The following CHD2 variants were observed in gnomAD, a reference collection of about 807,000 sequenced individuals.
CHD2 encodes the protein chromodomain helicase DNA binding protein 2.
A neutral mutation model predicts 243.9 loss-of-function variants in CHD2; 28 were observed. The observed-to-expected ratio is 0.11, with a 90% CI of 0.09 to 0.16. CHD2 has a LOEUF of 0.16. Among genes scored for constraint, CHD2 ranks in the 10% least tolerant of loss-of-function variants. CHD2 has a pLI of 1.00. For synonymous variants in CHD2, 775 were observed against 779.0 expected (o/e 0.99, Z 0.09); for missense variants, 1,386 against 2,209.8 (o/e 0.63, Z 7.47).
At chr15:92,903,917 A>G (rs1478624329) in intron 2 of CHD2, among the ~76,000 whole-genome samples, 1 of 152,238 alleles carries the variant, frequency 6.6e-6, no homozygotes. Flanking sequence ...ATATTCTAAA[A>G]GGCTGGGGAT....
chr15:92,926,263 A>T (rs934710713), intron 3 of CHD2, among the ~76,000 whole-genome samples: 12 of 152,154 alleles, frequency 7.9e-5, no homozygotes, highest in Admixed American at 5.9e-4. Flanking sequence ...CTGGCCCTAC[A>T]CTTTTAAATA....
intron 24 of CHD2, among the ~76,000 whole-genome samples, chr15:92,982,565 G>T (rs1441156045): frequency 6.6e-6 from 1 of 152,232 alleles, no homozygotes; most frequent in African/African-American, 2.4e-5. Flanking sequence ...AGATTCATGT[G>T]ACAGCTTGGA....
chr15:93,026,685 A>C lies in CHD2; in HGVS notation c.*1980A>C. 1 of 152,296 alleles carries C rather than the reference A, an allele frequency of 6.6e-6. No individual in the cohort carries two copies. The highest frequency in any genetic ancestry group is 1.5e-5 in the Non-Finnish European group (1 of 68,076). The allele number at this position is 152,296 out of a possible 1,614,324, so 9.4% of individuals were successfully genotyped here. A position where few individuals can be genotyped will look rare whatever the true frequency, so the allele number is the denominator to read the frequency against. ...GTGTCTCCACTTAGGCCACACAGTG[A>C]TGAGGAAACCACAGATGGAGCTTCT... On this transcript the variant is annotated 3_prime_UTR_variant, in exon 39 of 39. Transcript: ENST00000394196.
chr15:92,987,093 A>C (rs2054053160), intron 26 of CHD2, among the ~76,000 whole-genome samples: 1 of 152,044 alleles, frequency 6.6e-6, no homozygotes, highest in African/African-American at 2.4e-5. Context: ...CTCTTATATG[A>C]TCCATTTGTT....
intron 2 of CHD2, among the ~76,000 whole-genome samples, chr15:92,922,827 T>G (rs1487686897): frequency 6.6e-6 from 1 of 152,154 alleles, no homozygotes; most frequent in African/African-American, 2.4e-5. Flanking sequence ...TGCCCCTCAG[T>G]TGCTTTTTCA....
intron 5 of CHD2, among the ~76,000 whole-genome samples, chr15:92,936,519 G>A (rs2053269929): frequency 6.6e-6 from 1 of 152,128 alleles, no homozygotes; most frequent in African/African-American, 2.4e-5. Flanking sequence ...AAAACTGTTT[G>A]GGATAGTAGG....
chr15:92,912,747 G>A (rs557993499), intron 2 of CHD2, among the ~76,000 whole-genome samples: 3 of 152,210 alleles, frequency 2.0e-5, no homozygotes, highest in Admixed American at 2.0e-4. Context: ...TGTTGGCCAG[G>A]CTGGTCTCAA....
chr15:93,020,362 A>C (rs770137455), intron 38 of CHD2, 104 bp downstream of exon 38: 2 of 1,405,246 alleles, frequency 1.4e-6, no homozygotes, highest in Admixed American at 3.6e-5. Flanking sequence ...AAATTACTGA[A>C]GATCTCATCA....
At chr15:92,948,429 G>A (rs1261008676) in intron 12 of CHD2, among the ~76,000 whole-genome samples, 1 of 152,172 alleles carries the variant, frequency 6.6e-6, no homozygotes, top group African/African-American at 2.4e-5. Context: ...TTTCAGGAAA[G>A]GGGCAAGTTA....
In CHD2 at chr15:92,998,511, G is replaced by C. The variant is rs778616562; in HGVS notation, c.3898G>C (p.Glu1300Gln). The change falls in exon 31 of 39, where the codon GAG (glutamate) becomes CAG (glutamine). Residue 1300 changes from glutamate to glutamine, a missense_variant. Glu to Gln is a conservative substitution (Grantham distance 29). This residue lies in a region of CHD2 where 99 missense variants were observed against 176.9 expected (regional missense o/e 0.56). Coordinates refer to ENST00000394196, the MANE Select transcript of CHD2 (RefSeq NM_001271.4). The surrounding 1 kb of genome is among the most constrained non-coding windows in gnomAD (Gnocchi z 5.1). Reference sequence around the variant, plus strand: ...TTTCTTGTTGAAGATTCTGCCGGTGGAGACAGATAAAAAGCCTCAGGGGAA... The same window carrying C: ...TTTCTTGTTGAAGATTCTGCCGGTGCAGACAGATAAAAAGCCTCAGGGGAA... ...LKLTDKILPV[E>Q]TDKKPQGKQL... 2 of 1,613,868 alleles carry C rather than the reference G, an allele frequency of 1.2e-6. No individual in the cohort carries two copies. The highest frequency in any genetic ancestry group is 2.7e-5 in the African/African-American group (2 of 74,876).
intron 5 of CHD2, among the ~76,000 whole-genome samples, chr15:92,937,179 C>G (rs2053280503): frequency 6.6e-6 from 1 of 152,148 alleles, no homozygotes; most frequent in South Asian, 2.1e-4. Flanking sequence ...TCTTTTTTAA[C>G]AAGCCCTTTA....
intron 5 of CHD2, among the ~76,000 whole-genome samples, chr15:92,933,627 G>A (rs1036959639): frequency 4.6e-5 from 7 of 152,074 alleles, no homozygotes; most frequent in African/African-American, 1.4e-4. Context: ...TTTTTGAGAC[G>A]GCGTTTTATT....
Position 92,991,517 on chromosome 15 carries a change from G to A in CHD2, c.3455G>A (p.Arg1152Gln). 6.2e-7 allele frequency: 1 copy of A among 1,602,682 alleles called. No homozygotes were observed. ...AAGAAGTTTGGTCTCCCTCTTGAAC[G>A]GTAAGTTCAGTGTAATAGTCCCTTA... The part of the protein sequence containing the change: ...AYKKFGLPLE[R>Q]LECIARDAEL... Residue 1152 changes from arginine (R) to glutamine (Q), a missense_variant and splice_region_variant, in exon 27 of 39, where the codon CGG becomes CAG. This residue lies in a region of CHD2 where 13 missense variants were observed against 57.6 expected (regional missense o/e 0.23). Coordinates refer to ENST00000394196, the MANE Select transcript of CHD2 (RefSeq NM_001271.4).
At chr15:92,941,657 T>C (rs576800239) in intron 7 of CHD2, among the ~76,000 whole-genome samples, 165 bp from the exon 8 acceptor site, 205 of 152,136 alleles carry the variant, frequency 1.3e-3, no homozygotes, top group Middle Eastern at 3.2e-3. Context: ...ATCAGCACTT[T>C]AGGAAAAAAA....
chr15:92,981,740 C>A (rs1440859511), intron 24 of CHD2, among the ~76,000 whole-genome samples: 1 of 152,086 alleles, frequency 6.6e-6, no homozygotes, highest in Non-Finnish European at 1.5e-5. Context: ...GAGTGTAGAA[C>A]CAGGACGTGT....
rs3064790 is a variant in CHD2 at position 92,961,876 on chromosome 15, CT to C, written c.2000+5250del. 2.5e-3 allele frequency among the ~76,000 whole-genome samples: 195 copies of C among 78,630 alleles called. 1 individual carries two copies. The highest frequency in any genetic ancestry group is 7.0e-3 in the African/African-American group (146 of 20,722). 51.6% of individuals were successfully genotyped at this position (78,630 alleles called of 152,430 possible). Reference sequence around the variant, plus strand: ...GGTTTCTTCCTCTGTTTTTTCTTCTCTTTTTTTTTTTTTTTTTTTTTTTGAG... The same window carrying C: ...GGTTTCTTCCTCTGTTTTTTCTTCTCTTTTTTTTTTTTTTTTTTTTTTGAG... On this transcript the variant is annotated intron_variant, in intron 16 of 38. Transcript: ENST00000394196.
rs1312339896 is a variant in CHD2 at position 92,927,192 on chromosome 15, T to C, written c.295-52T>C. On this transcript the variant is annotated intron_variant, in intron 3 of 38. Coordinates refer to ENST00000394196, the MANE Select transcript of CHD2 (RefSeq NM_001271.4). ...TTCAATTGCAATAAACGTTTGATAA[T>C]AATAATGGGGGTCAAGAAAAAAGAT... 2.3e-6 allele frequency: 3 copies of C among 1,289,730 alleles called. No homozygotes were observed. In the East Asian group the frequency reaches 7.0e-5, roughly 30 times the overall value. The allele number at this position is 1,289,730 out of a possible 1,614,324, so 79.9% of individuals were successfully genotyped here. A position where few individuals can be genotyped will look rare whatever the true frequency, so the allele number is the denominator to read the frequency against.
At chr15:93,018,629 A>C (rs2054491936) in intron 37 of CHD2, among the ~76,000 whole-genome samples, 1 of 152,226 alleles carries the variant, frequency 6.6e-6, no homozygotes, top group South Asian at 2.1e-4. Flanking sequence ...GAAGTCTGAT[A>C]TCAAGGTGTC....
chr15:92,927,650 C>T (rs932148143), intron 4 of CHD2, among the ~76,000 whole-genome samples: 1 of 152,004 alleles, frequency 6.6e-6, no homozygotes, highest in East Asian at 1.9e-4. Flanking sequence ...TTTTTAAGCC[C>T]CTAACTTCTA....
Sources: gnomAD v4.1 joint callset for allele counts (sites outside exome capture counted in the v4.1 genomes callset) on GRCh38, gnomAD v4.1.1 for gene constraint, gnomAD v4.1.1 regional missense constraint, Gnocchi (gnomAD v3.1) non-coding constraint, MANE v1.5 for transcripts, NCBI Gene and HGNC (gene_info 2026-07-23, HGNC 2026-07-21) for gene names.